The following PROM1 variants were observed in gnomAD, a reference collection of about 807,000 sequenced individuals.
The protein encoded by PROM1 is prominin-1.
In PROM1, 105 loss-of-function variants were observed where a neutral mutation model predicts 116.9. The ratio of observed to expected loss-of-function variants is 0.90; its 90% confidence interval spans 0.77 to 1.06. The LOEUF (loss-of-function observed/expected upper bound fraction) is 1.06. Among genes scored for constraint, PROM1 ranks in the 50% least tolerant of loss-of-function variants. PROM1 has a pLI of 0.00. For synonymous variants in PROM1, 393 were observed against 387.0 expected, an observed-to-expected ratio of 1.02 and a Z score of -0.18; for missense variants, 1,122 against 1,045.2, an observed-to-expected ratio of 1.07 and a Z score of -1.01.
At chr4:16,015,466 G>C (rs926787156) in intron 10 of PROM1, among the ~76,000 whole-genome samples, 1 of 151,852 alleles carries the variant, frequency 6.6e-6, no homozygotes, top group Non-Finnish European at 1.5e-5. Context: ...AAGGGGGGCA[G>C]ATCACTTGAG....
intron 3 of PROM1, among the ~76,000 whole-genome samples, chr4:16,037,650 C>T (rs953947242): frequency 1.3e-5 from 2 of 152,142 alleles, no homozygotes; most frequent in Non-Finnish European, 2.9e-5. Context: ...GCCCGATAAC[C>T]GCCTTCAAAC....
chr4:16,077,586 C>T (rs556105960), intron 1 of PROM1, among the ~76,000 whole-genome samples: 5 of 152,164 alleles, frequency 3.3e-5, no homozygotes, highest in Non-Finnish European at 7.4e-5. Flanking sequence ...TCTCGTTCCA[C>T]CTAACGAGAA....
At chr4:16,013,138 C>G (rs1342302665) in intron 11 of PROM1, 137 bp downstream of exon 11, 1 of 685,992 alleles carries the variant, frequency 1.5e-6, no homozygotes, top group South Asian at 2.0e-5. Flanking sequence ...AATTGTAAAG[C>G]TCTGATATTT....
At chr4:16,046,069 G>T (rs2149446511) in intron 2 of PROM1, among the ~76,000 whole-genome samples, 1 of 152,328 alleles carries the variant, frequency 6.6e-6, no homozygotes, top group Middle Eastern at 3.4e-3. Context: ...GCATCAGATA[G>T]GGGTCAAGGC....
In PROM1 at chr4:16,067,861, G is replaced by A. The variant is rs1741891687; in HGVS notation, c.220+7826C>T. On this transcript the variant is annotated intron_variant, in intron 2 of 27. Coordinates refer to ENST00000447510, the MANE Select transcript of PROM1 (RefSeq NM_006017.3). ...AGCCAGGCTCACACAGACGACCCCG[G>A]CCACGTGACTCAATGGCTCCACGGT... Among the ~76,000 whole-genome samples, 4 of 152,274 alleles carry A rather than the reference G, an allele frequency of 2.6e-5. No homozygotes were observed. In the South Asian group the frequency reaches 8.3e-4, roughly 32 times the overall value.
chr4:16,022,095 A>AAAGGAAGG (rs377291941), intron 8 of PROM1, among the ~76,000 whole-genome samples: 2 of 150,450 alleles, frequency 1.3e-5, no homozygotes, highest in Non-Finnish European at 3.0e-5. Context: ...AGGGAAGGAG[A>AAAGGAAGG]AAGGAAGGAA....
chr4:15,973,449 A>G (rs1214157759), intron 26 of PROM1, among the ~76,000 whole-genome samples: 2 of 151,868 alleles, frequency 1.3e-5, no homozygotes, highest in Non-Finnish European at 2.9e-5. Context: ...CTGTGTCTCA[A>G]ACAACAACAA....
intron 13 of PROM1, among the ~76,000 whole-genome samples, chr4:16,004,832 T>TTCTTTTTTCTTC (rs1203366908): frequency 0.013 from 1,593 of 122,448 alleles, 30 homozygotes; most frequent in Non-Finnish European, 0.022. Flanking sequence ...TCTTTCTTTT[T>TTCTTTTTTCTTC]CTTCCTTCCT....
chr4:16,046,221 T>C (rs546237670), intron 2 of PROM1, among the ~76,000 whole-genome samples: 12 of 152,338 alleles, frequency 7.9e-5, no homozygotes, highest in Non-Finnish European at 1.6e-4. Flanking sequence ...GCAGAGCCAG[T>C]TGGTGAAAAT....
intron 5 of PROM1, among the ~76,000 whole-genome samples, chr4:16,026,204 A>G (rs779627421): frequency 3.3e-5 from 5 of 152,218 alleles, no homozygotes; most frequent in Non-Finnish European, 7.3e-5. Context: ...GCCATCTAAA[A>G]TGTCTAATGT....
chr4:16,051,884 G>A (rs1289814918), intron 2 of PROM1, among the ~76,000 whole-genome samples: 1 of 152,190 alleles, frequency 6.6e-6, no homozygotes, highest in Non-Finnish European at 1.5e-5. Flanking sequence ...GAACTCGGTA[G>A]CCCTCCAAGA....
At chr4:15,980,098 A>G (rs1182760461) in intron 24 of PROM1, among the ~76,000 whole-genome samples, 194 bp from the exon 25 acceptor site, 4 of 152,170 alleles carry the variant, frequency 2.6e-5, no homozygotes, top group Non-Finnish European at 5.9e-5. Flanking sequence ...GGCAGACTAC[A>G]GAGCCAAAAT....
intron 23 of PROM1, 22 bp from the exon 24 acceptor site, chr4:15,980,559 A>G: frequency 1.4e-6 from 2 of 1,422,356 alleles, no homozygotes; most frequent in Non-Finnish European, 1.9e-6. Context: ...AAATCAGAAG[A>G]ATTAAATGTT....
intron 2 of PROM1, 106 bp downstream of exon 2, chr4:16,075,581 C>T (rs751270079): frequency 2.2e-5 from 25 of 1,138,846 alleles, no homozygotes; most frequent in Non-Finnish European, 2.9e-5. Flanking sequence ...GCAAAGCAAT[C>T]GCTAAAATAC....
intron 2 of PROM1, among the ~76,000 whole-genome samples, chr4:16,066,672 G>T (rs190671557): frequency 6.6e-6 from 1 of 152,256 alleles, no homozygotes; most frequent in African/African-American, 2.4e-5. Context: ...CTTCTCTAGG[G>T]GTAAATCTCA....
rs1337993335 is a variant in PROM1 at position 15,985,952 on chromosome 4, C to T, written c.2211+5G>A. On this transcript the variant is annotated splice_donor_5th_base_variant and intron_variant, in intron 21 of 27. Transcript: ENST00000447510. ...GACACGCTTACTTTAAAAAAGAAGG[C>T]TCACCTCAATAATAACAGAGGAAGT... 2.0e-6 allele frequency: 2 copies of T among 1,007,124 alleles called. No individual in the cohort carries two copies. The highest frequency in any genetic ancestry group is 2.5e-6 in the Non-Finnish European group (2 of 814,778). 62.4% of individuals were successfully genotyped at this position (1,007,124 alleles called of 1,614,324 possible). A position where few individuals can be genotyped will look rare whatever the true frequency, so the allele number is the denominator to read the frequency against.
chr4:15,979,598 A>T, intron 25 of PROM1, 135 bp from the exon 26 acceptor site: 1 of 1,353,630 alleles, frequency 7.4e-7, no homozygotes, highest in East Asian at 2.6e-5. Flanking sequence ...AAGACAAATG[A>T]GTAATTGACA....
intron 26 of PROM1, among the ~76,000 whole-genome samples, chr4:15,973,916 G>A (rs561907679): frequency 2.9e-4 from 44 of 152,214 alleles, no homozygotes; most frequent in African/African-American, 1.0e-3. Flanking sequence ...GCCGATGTGG[G>A]GACTGCGCAG....
chr4:15,996,104 G>A (rs935435363), intron 15 of PROM1, among the ~76,000 whole-genome samples: 4 of 152,210 alleles, frequency 2.6e-5, no homozygotes, highest in African/African-American at 7.2e-5. Context: ...TTACACAACC[G>A]AGGTGTTTCC....
Sources: allele counts gnomAD v4.1 joint callset (sites outside exome capture counted in the v4.1 genomes callset), GRCh38; gene constraint gnomAD v4.1.1; transcripts MANE v1.5; gene names NCBI Gene and HGNC (gene_info 2026-07-23, HGNC 2026-07-21).